The following U2SURP variants were observed in gnomAD, a reference collection of about 807,000 sequenced individuals.
U2SURP encodes U2 snRNP associated SURP domain containing, also known as U2 snRNP-associated SURP motif-containing protein.
Under a neutral mutation model 144.9 loss-of-function variants are expected in U2SURP, and 9 were observed. The observed-to-expected ratio is 0.06, with a 90% confidence interval of 0.04 to 0.11. The LOEUF (loss-of-function observed/expected upper bound fraction) is 0.11, where lower values mean the gene tolerates loss of function less well. U2SURP is among the 10% of genes least tolerant of loss of function. The pLI, the probability that U2SURP is intolerant of heterozygous loss-of-function variation, is 1.00. For missense variants in U2SURP, 724 were observed against 1,226.7 expected, an observed-to-expected ratio of 0.59 and a Z score of 6.12; for synonymous variants, 408 against 396.8, an observed-to-expected ratio of 1.03 and a Z score of -0.33.
intron 16 of U2SURP, among the ~76,000 whole-genome samples, chr3:143,030,510 A>G (rs534039972): frequency 3.3e-5 from 5 of 152,358 alleles, no homozygotes; most frequent in South Asian, 2.1e-4. Context: ...CTCATTGACA[A>G]TGTACCTGAT....
At chr3:143,042,883 G>A (rs1256297540) in intron 23 of U2SURP, among the ~76,000 whole-genome samples, 1 of 152,116 alleles carries the variant, frequency 6.6e-6, no homozygotes, top group Admixed American at 6.5e-5. Flanking sequence ...ATTTATTACA[G>A]TATGCTTATG....
At chr3:143,039,031 T>A in intron 23 of U2SURP, 71 bp downstream of exon 23, 19 of 1,108,896 alleles carry the variant, frequency 1.7e-5, no homozygotes, top group Non-Finnish European at 2.3e-5. Flanking sequence ...GAGATATAGT[T>A]GAAATAATAG....
intron 17 of U2SURP, 89 bp from the exon 18 acceptor site, chr3:143,033,182 A>G (rs557520256): frequency 1.3e-5 from 12 of 903,472 alleles, no homozygotes; most frequent in Admixed American, 2.4e-5. Flanking sequence ...TGAGCTTCAT[A>G]TAACTCTTCT....
At chr3:143,021,649 A>AAAG in intron 10 of U2SURP, 94 bp downstream of exon 10, 6 of 1,217,562 alleles carry the variant, frequency 4.9e-6, no homozygotes, top group Non-Finnish European at 7.0e-6. Context: ...TGAAGCTGAC[A>AAAG]AATCTGATGG....
intron 25 of U2SURP, among the ~76,000 whole-genome samples, chr3:143,052,731 TG>T (rs2108319387): frequency 6.6e-6 from 1 of 152,338 alleles, no homozygotes; most frequent in Non-Finnish European, 1.5e-5. Flanking sequence ...TGCCAACATC[TG>T]GTATAGGTTC....
intron 20 of U2SURP, among the ~76,000 whole-genome samples, chr3:143,036,568 A>G (rs1933821195): frequency 6.6e-6 from 1 of 152,062 alleles, no homozygotes; most frequent in African/African-American, 2.4e-5. Context: ...TAGTCAAGCT[A>G]TTATGTTTTC....
intron 1 of U2SURP, among the ~76,000 whole-genome samples, chr3:143,007,828 G>C (rs936508788): frequency 6.6e-6 from 1 of 152,200 alleles, no homozygotes; most frequent in Non-Finnish European, 1.5e-5. Context: ...ATACAGTTCA[G>C]TTCCAGGTTA....
At chr3:143,022,193 A>C (rs1054276742) in intron 10 of U2SURP, among the ~76,000 whole-genome samples, 28 of 152,182 alleles carry the variant, frequency 1.8e-4, no homozygotes, top group African/African-American at 6.3e-4. Context: ...ATCACTATAA[A>C]ACATCTTACT....
chr3:143,046,245 TGTG>T (rs781304408), intron 24 of U2SURP, among the ~76,000 whole-genome samples: 74 of 150,234 alleles, frequency 4.9e-4, no homozygotes, highest in African/African-American at 1.7e-3. Flanking sequence ...TATATGATGT[TGTG>T]GTGGCCAGAA....
intron 24 of U2SURP, among the ~76,000 whole-genome samples, chr3:143,043,926 AT>A (rs144876885): frequency 2.7e-5 from 4 of 150,308 alleles, no homozygotes; most frequent in African/African-American, 9.8e-5. Context: ...ATTTTTTTGT[AT>A]TTTTTTTAGA....
chr3:143,060,349 C>A lies in U2SURP; in HGVS notation c.*3899C>A, dbSNP rs890267554. On this transcript the variant is annotated 3_prime_UTR_variant, in exon 28 of 28. Transcript: ENST00000473835. ...AAAATATTCTACAGCAAGACAATTT[C>A]TTTTGGGTGAACTGATTCTATAATT... 1.3e-5 allele frequency: 2 copies of A among 151,896 alleles called. No homozygotes were observed. The highest frequency in any genetic ancestry group is 2.4e-5 in the African/African-American group (1 of 41,410). The allele number at this position is 151,896 out of a possible 1,614,324, so 9.4% of individuals were successfully genotyped here.
rs573389018 is a variant in U2SURP, at chr3:143,012,542, A to G, written c.222+189A>G. Among the ~76,000 whole-genome samples the G allele has an allele frequency of 2.0e-5, 3 of 152,300 alleles. No individual in the cohort carries two copies. The East Asian group carries it at 5.8e-4, about 29-fold the overall frequency. On this transcript the variant is annotated intron_variant, in intron 3 of 27. Transcript: ENST00000473835. ...ATGTAGGGACATCTTTTTAGCTCAAATGTGAGATATTTCATTTTAGAGTTT... is the reference window on the plus strand; with the variant it reads ...ATGTAGGGACATCTTTTTAGCTCAAGTGTGAGATATTTCATTTTAGAGTTT...
rs1163097797 is a variant in U2SURP at position 143,059,571 on chromosome 3, T to C, written c.*3121T>C. 2.0e-5 allele frequency: 3 copies of C among 151,974 alleles called. No homozygotes were observed. Among genetic ancestry groups the C allele is most frequent in the East Asian group, 3.8e-4 (2 of 5,204 alleles). 9.4% of individuals were successfully genotyped at this position (151,974 alleles called of 1,614,324 possible). A position where few individuals can be genotyped will look rare whatever the true frequency, so the allele number is the denominator to read the frequency against. ...TAGTTTATCATCATCATTATTGTTATTCAAAATAAGGGTAAATAAATCTCT... is the reference window on the plus strand; with the variant it reads ...TAGTTTATCATCATCATTATTGTTACTCAAAATAAGGGTAAATAAATCTCT... On this transcript the variant is annotated 3_prime_UTR_variant, in exon 28 of 28. Transcript: ENST00000473835.
chr3:143,020,718 T>C, intron 8 of U2SURP, 25 bp downstream of exon 8: 1 of 1,559,466 alleles, frequency 6.4e-7, no homozygotes, highest in Non-Finnish European at 8.8e-7. Context: ...TTTTAATGTG[T>C]ATGCTTGTGA....
intron 24 of U2SURP, among the ~76,000 whole-genome samples, chr3:143,050,706 T>TA (rs1382523581): frequency 2.0e-5 from 3 of 152,188 alleles, no homozygotes; most frequent in Admixed American, 1.3e-4. Flanking sequence ...AGTGAGTTCT[T>TA]ACAGCCATGA....
At chr3:143,048,230 T>C (rs1026852182) in intron 24 of U2SURP, among the ~76,000 whole-genome samples, 1 of 152,254 alleles carries the variant, frequency 6.6e-6, no homozygotes, top group Non-Finnish European at 1.5e-5. Context: ...ATCTGTTTTC[T>C]GTGTGTCTTG....
In U2SURP at chr3:143,023,251, T is replaced by C. The variant is rs547779406; in HGVS notation, c.1230+187T>C. The C allele has an allele frequency of 1.2e-5, 6 of 514,928 alleles. No individual in the cohort carries two copies. The South Asian group carries it at 1.9e-4, about 16-fold the overall frequency. 31.9% of individuals were successfully genotyped at this position (514,928 alleles called of 1,614,324 possible). A position where few individuals can be genotyped will look rare whatever the true frequency, so the allele number is the denominator to read the frequency against. On this transcript the variant is annotated intron_variant, in intron 12 of 27. Coordinates refer to ENST00000473835, the MANE Select transcript of U2SURP (RefSeq NM_001080415.2). ...TATATTTGAAATACTAGGTCATATT[T>C]TTATTTGTGGCTACCATTCCTTTTT... is the stretch of plus-strand genomic sequence containing the variant.
intron 25 of U2SURP, among the ~76,000 whole-genome samples, chr3:143,053,167 CTA>C (rs1251429207): frequency 6.6e-6 from 1 of 151,940 alleles, no homozygotes; most frequent in Non-Finnish European, 1.5e-5. Flanking sequence ...CTTTTACTGA[CTA>C]TTTTATTGTA....
intron 22 of U2SURP, 114 bp from the exon 23 acceptor site, chr3:143,038,780 A>T (rs528907694): frequency 1.9e-5 from 13 of 692,698 alleles, no homozygotes; most frequent in South Asian, 1.1e-4. Flanking sequence ...AACATAGATT[A>T]AAAAAACTTC....
Sources: gnomAD v4.1 joint callset for allele counts (sites outside exome capture counted in the v4.1 genomes callset) on GRCh38, gnomAD v4.1.1 for gene constraint, MANE v1.5 for transcripts, NCBI Gene and HGNC (gene_info 2026-07-23, HGNC 2026-07-21) for gene names.